TEKT5: variants seen among roughly 807,000 people sequenced by gnomAD.
TEKT5 encodes tektin 5.
A neutral mutation model predicts 48.7 loss-of-function variants in TEKT5; 52 were observed. The observed-to-expected ratio is 1.07, with a 90% CI of 0.86 to 1.35. The LOEUF is 1.35. TEKT5 is among the 40% of genes most tolerant of loss of function. The pLI is 0.00. For missense variants in TEKT5, 831 were observed against 641.6 expected (o/e 1.30, Z -3.19); for synonymous variants, 318 against 267.6 (o/e 1.19, Z -1.84).
chr16:10,668,227 C>T (rs1448986541), intron 5 of TEKT5, among the ~76,000 whole-genome samples: 2 of 152,168 alleles, frequency 1.3e-5, no homozygotes, highest in Non-Finnish European at 2.9e-5. Context: ...CTTTCCAAAG[C>T]TTCTAAGCCT....
chr16:10,681,909 C>A (rs1004260637), intron 4 of TEKT5, 84 bp downstream of exon 4: 2 of 1,532,066 alleles, frequency 1.3e-6, no homozygotes, highest in Non-Finnish European at 8.9e-7. Context: ...GTGCACGATG[C>A]CCCTTCGCCA....
chr16:10,664,215 C>G (rs1292625092), intron 5 of TEKT5, among the ~76,000 whole-genome samples: 1 of 152,150 alleles, frequency 6.6e-6, no homozygotes, highest in Non-Finnish European at 1.5e-5. Flanking sequence ...TGTTGAATCC[C>G]CAGCGCCTAA....
chr16:10,669,040 T>C (rs926389904), intron 5 of TEKT5, among the ~76,000 whole-genome samples: 2 of 152,276 alleles, frequency 1.3e-5, no homozygotes, highest in Middle Eastern at 3.4e-3. Context: ...AAATCTGAAA[T>C]TTTTTTATGT....
rs368467868 is a variant in TEKT5, at chr16:10,659,589, C to T, written c.1086+16370G>A. On this transcript the variant is annotated intron_variant, in intron 5 of 6. Transcript: ENST00000283025. ...AGAGATGGGGTTTCACCATGTTAGC[C>T]TGACCTCGTGATCTGCCCGCCTCAA... Among the ~76,000 whole-genome samples, 30 of 152,236 alleles carry T rather than the reference C, an allele frequency of 2.0e-4. No homozygotes were observed. In the East Asian group the frequency reaches 5.6e-3, roughly 28 times the overall value.
At chr16:10,640,137 C>T (rs1195866273) in intron 5 of TEKT5, among the ~76,000 whole-genome samples, 1 of 145,292 alleles carries the variant, frequency 6.9e-6, no homozygotes, top group Non-Finnish European at 1.5e-5. Context: ...CTTCCTCCTC[C>T]CCCTTTCTTC....
chr16:10,671,490 T>C lies in TEKT5; in HGVS notation c.1086+4469A>G, dbSNP rs118073127. On this transcript the variant is annotated intron_variant, in intron 5 of 6. Coordinates refer to ENST00000283025, the MANE Select transcript of TEKT5 (RefSeq NM_144674.2). The stretch of plus-strand genomic sequence containing the variant: ...GGAAATTCTGACACATGCTACAACA[T>C]GGATGAGCCTTGAAGACATTATGCC... Among the ~76,000 whole-genome samples the C allele has an allele frequency of 2.0e-5, 3 of 152,300 alleles. No individual in the cohort carries two copies. The South Asian group carries it at 6.2e-4, about 32-fold the overall frequency.
In TEKT5 at chr16:10,652,736, G is replaced by A. The variant is rs1177534458; in HGVS notation, c.1087-16818C>T. ...ACACACACACACACCCTCCAGGCCA[G>A]GTAGAGTGATCCCTTATATACACAG... On this transcript the variant is annotated intron_variant, in intron 5 of 6. Coordinates refer to ENST00000283025, the MANE Select transcript of TEKT5 (RefSeq NM_144674.2). 4.7e-4 allele frequency among the ~76,000 whole-genome samples: 36 copies of A among 76,798 alleles called. 2 individuals carry two copies. The highest frequency in any genetic ancestry group is 2.0e-3 in the African/African-American group (32 of 15,824). The allele number at this position is 76,798 out of a possible 152,430, so 50.4% of individuals were successfully genotyped here. A position where few individuals can be genotyped will look rare whatever the true frequency, so the allele number is the denominator to read the frequency against.
intron 3 of TEKT5, among the ~76,000 whole-genome samples, chr16:10,682,398 G>A (rs753869931): frequency 5.9e-5 from 9 of 152,118 alleles, no homozygotes; most frequent in Admixed American, 1.3e-4. Flanking sequence ...TGCAGTCATG[G>A]CTCACTGCAG....
chr16:10,652,448 GCAAACACACA>G (rs1898174380), intron 5 of TEKT5, among the ~76,000 whole-genome samples: 1 of 73,122 alleles, frequency 1.4e-5, no homozygotes, highest in Non-Finnish European at 2.6e-5. Flanking sequence ...ATATACACAG[GCAAACACACA>G]CACACACACA....
chr16:10,631,776 T>C (rs529164613), intron 6 of TEKT5, among the ~76,000 whole-genome samples: 34 of 152,116 alleles, frequency 2.2e-4, no homozygotes, highest in African/African-American at 8.0e-4. Flanking sequence ...ACGCCAAGGA[T>C]TGCTGACAGC....
chr16:10,677,732 T>C (rs2430647), intron 4 of TEKT5, among the ~76,000 whole-genome samples: 4 of 123,500 alleles, frequency 3.2e-5, no homozygotes, highest in Admixed American at 7.4e-5. Flanking sequence ...GGTTGACCAG[T>C]GTGTCTGGGA....
chr16:10,672,461 C>G (rs1052746740), intron 5 of TEKT5, among the ~76,000 whole-genome samples: 1 of 151,872 alleles, frequency 6.6e-6, no homozygotes, highest in African/African-American at 2.4e-5. Context: ...GGCGTGATGG[C>G]GGGGGGTGTC....
chr16:10,680,264 G>A (rs2541497), intron 4 of TEKT5, among the ~76,000 whole-genome samples: 1 of 152,208 alleles, frequency 6.6e-6, no homozygotes, highest in South Asian at 2.1e-4. Context: ...CCTCAGCACT[G>A]TGACATTTGT....
chr16:10,635,679 T>C (rs1897901358), intron 6 of TEKT5, 85 bp downstream of exon 6: 1 of 1,538,964 alleles, frequency 6.5e-7, no homozygotes, highest in African/African-American at 1.4e-5. Flanking sequence ...TCAGACCCAG[T>C]GCACCTAGAA....
chr16:10,641,881 T>A (rs2719634), intron 5 of TEKT5, among the ~76,000 whole-genome samples: 23,255 of 152,228 alleles, frequency 0.15, 3,462 homozygotes, highest in African/African-American at 0.39. Context: ...ACATCTCAAC[T>A]GGAATTAGGC....
intron 3 of TEKT5, among the ~76,000 whole-genome samples, chr16:10,686,875 T>C (rs1490017973): frequency 6.6e-6 from 1 of 152,170 alleles, no homozygotes; most frequent in African/African-American, 2.4e-5. Context: ...AAAGGTGGCA[T>C]GTATACACAA....
At chr16:10,651,488 G>T (rs1229726152) in intron 5 of TEKT5, among the ~76,000 whole-genome samples, 3 of 152,186 alleles carry the variant, frequency 2.0e-5, no homozygotes, top group African/African-American at 7.2e-5. Flanking sequence ...CAGGATCAAT[G>T]TCTGGAGCAT....
At chr16:10,628,503 G>C (rs984426826) in intron 6 of TEKT5, among the ~76,000 whole-genome samples, 5 of 152,184 alleles carry the variant, frequency 3.3e-5, no homozygotes, top group Admixed American at 3.3e-4. Flanking sequence ...CCCTATTCAC[G>C]ATAACCAAAA....
intron 2 of TEKT5, among the ~76,000 whole-genome samples, chr16:10,689,741 G>A (rs1898932630): frequency 6.6e-6 from 1 of 152,206 alleles, no homozygotes; most frequent in South Asian, 2.1e-4. Flanking sequence ...TTTTGGAGAT[G>A]AAAAGACTGA....
Sources: gnomAD v4.1 joint callset for allele counts (sites outside exome capture counted in the v4.1 genomes callset) on GRCh38, gnomAD v4.1.1 for gene constraint, MANE v1.5 for transcripts, NCBI Gene and HGNC (gene_info 2026-07-23, HGNC 2026-07-21) for gene names.